The following CERT1 variants were observed in gnomAD, a reference collection of about 807,000 sequenced individuals.
CERT1 encodes the protein ceramide transfer protein.
Under a neutral mutation model 87.9 loss-of-function variants are expected in CERT1, and 31 were observed. That is an observed-to-expected ratio of 0.35 (90% CI 0.27 to 0.48). The LOEUF (loss-of-function observed/expected upper bound fraction) is 0.48. Among genes scored for constraint, CERT1 ranks in the 20% least tolerant of loss-of-function variants. CERT1 has a pLI of 0.99. For missense variants in CERT1, 487 were observed against 758.0 expected, an observed-to-expected ratio of 0.64 and a Z score of 4.20; for synonymous variants, 289 against 250.9, an observed-to-expected ratio of 1.15 and a Z score of -1.44.
chr5:75,425,226 A>G, intron 5 of CERT1, 135 bp downstream of exon 5: 2 of 736,786 alleles, frequency 2.7e-6, no homozygotes, highest in Non-Finnish European at 2.2e-6. Flanking sequence ...GGACACTGAA[A>G]TCTGTTTCAC....
chr5:75,387,478 A>T (rs1471153520), intron 12 of CERT1, among the ~76,000 whole-genome samples: 1 of 151,962 alleles, frequency 6.6e-6, no homozygotes, highest in Non-Finnish European at 1.5e-5. Context: ...GCAGTGGCTC[A>T]CACCTGTTAT....
At chr5:75,382,661 A>G (rs1353289673) in intron 14 of CERT1, among the ~76,000 whole-genome samples, 1 of 151,646 alleles carries the variant, frequency 6.6e-6, no homozygotes, top group Non-Finnish European at 1.5e-5. Flanking sequence ...TTTAAATGAG[A>G]AAAAAAACCT....
intron 3 of CERT1, among the ~76,000 whole-genome samples, chr5:75,448,758 TACC>T (rs1165887225): frequency 1.3e-5 from 2 of 152,214 alleles, no homozygotes; most frequent in Non-Finnish European, 2.9e-5. Flanking sequence ...AAAATTTAAA[TACC>T]ACATTAGGGC....
At chr5:75,375,586 T>C (rs1190044495), downstream of CERT1, 1 of 58,154 alleles carries the variant, frequency 1.7e-5, no homozygotes, top group South Asian at 3.8e-4. Flanking sequence ...TGTCTCAAAA[T>C]AAATAAATAA....
At chr5:75,427,369 T>C (rs547917491) in intron 3 of CERT1, among the ~76,000 whole-genome samples, 2 of 152,034 alleles carry the variant, frequency 1.3e-5, no homozygotes, top group African/African-American at 4.8e-5. Flanking sequence ...GAGGCCAAGG[T>C]GGGTGGATCA....
intron 12 of CERT1, among the ~76,000 whole-genome samples, chr5:75,387,517 G>A (rs1445909564): frequency 6.6e-6 from 1 of 151,716 alleles, no homozygotes; most frequent in Non-Finnish European, 1.5e-5. Context: ...CGAGGCGGGC[G>A]GATCACCTGA....
At chr5:75,408,479 A>G (rs978538412) in intron 8 of CERT1, among the ~76,000 whole-genome samples, 10 of 152,150 alleles carry the variant, frequency 6.6e-5, no homozygotes, top group Non-Finnish European at 1.3e-4. Context: ...TTGGGCCGTG[A>G]GAAATAGCAG....
intron 3 of CERT1, among the ~76,000 whole-genome samples, chr5:75,433,504 T>C (rs1763958419): frequency 6.6e-6 from 1 of 152,168 alleles, no homozygotes; most frequent in East Asian, 1.9e-4. Context: ...TTGGATGTTA[T>C]TGGTGTATAG....
chr5:75,463,358 T>A (rs4704221), intron 2 of CERT1, among the ~76,000 whole-genome samples: 82,441 of 151,938 alleles, frequency 0.54, 25,547 homozygotes, highest in African/African-American at 0.86. Flanking sequence ...GTTTTATCTA[T>A]GATTTCAACC....
In CERT1 at chr5:75,496,428, T is replaced by A. The variant is rs138479980; in HGVS notation, c.231+9554A>T. Among the ~76,000 whole-genome samples the A allele has an allele frequency of 1.1e-3, 164 of 152,278 alleles. 1 individual carries two copies. In the East Asian group the frequency reaches 0.027, roughly 25 times the overall value. ...AACAGTTTCACAGTTTCTTATAAAG[T>A]TAAACATATACTTACCTTACAACCT... On this transcript the variant is annotated intron_variant, in intron 2 of 16. Transcript: ENST00000643780.
chr5:75,428,074 A>C (rs1580755875), intron 3 of CERT1, among the ~76,000 whole-genome samples: 2 of 152,186 alleles, frequency 1.3e-5, no homozygotes, highest in Non-Finnish European at 2.9e-5. Flanking sequence ...AAAATCTATT[A>C]CATTTCTATA....
chr5:75,401,843 T>C (rs1324591256), intron 9 of CERT1: 1 of 152,224 alleles, frequency 6.6e-6, no homozygotes, highest in African/African-American at 2.4e-5. Context: ...AACTTTTCTA[T>C]GCAAATTCAT....
chr5:75,413,264 C>T (rs746481791), intron 7 of CERT1, among the ~76,000 whole-genome samples: 21 of 152,238 alleles, frequency 1.4e-4, no homozygotes, highest in Non-Finnish European at 2.6e-4. Flanking sequence ...ACGGAAATGT[C>T]GTTATGCAGT....
Position 75,398,693 on chromosome 5 carries a change from C to T in CERT1, c.1188+617G>A, listed in dbSNP as rs74660807. On this transcript the variant is annotated intron_variant, in intron 11 of 16. Transcript: ENST00000643780. The stretch of plus-strand genomic sequence containing the variant: ...TTTTGAGGGTACAGACTTTAGAGAC[C>T]GCAAGCATCCAGCTTCCTGTCTTAA... 3.1e-3 allele frequency among the ~76,000 whole-genome samples: 475 copies of T among 152,214 alleles called. 19 individuals carry two copies. The East Asian group carries it at 0.079, about 25-fold the overall frequency.
intron 2 of CERT1, 104 bp from the exon 3 acceptor site, chr5:75,459,285 G>T: frequency 1.6e-6 from 1 of 643,142 alleles, no homozygotes; most frequent in Non-Finnish European, 2.8e-6. Context: ...GCTGGTGGGA[G>T]ACTTGTTACT....
chr5:75,381,130 C>A lies in CERT1; in HGVS notation c.1689G>T (p.Glu563Asp). 1 of 1,614,046 alleles carries A rather than the reference C, an allele frequency of 6.2e-7. No individual in the cohort carries two copies. Among genetic ancestry groups the A allele is most frequent in the Non-Finnish European group, 8.5e-7 (1 of 1,179,982 alleles). ...MICQTLVSPP[E>D]GNQEISRDNI... ...TGTCCCTGCTAATTTCCTGGTTTCCCTCTGGTGGGCTTACCAAGGTTTGAC... is the reference window on the plus strand; with the variant it reads ...TGTCCCTGCTAATTTCCTGGTTTCCATCTGGTGGGCTTACCAAGGTTTGAC... The change falls in exon 16 of 17, where the codon GAG becomes GAT. Residue 563 changes from glutamate (E) to aspartate (D), a missense_variant. Coordinates refer to ENST00000643780, the MANE Select transcript of CERT1 (RefSeq NM_001379029.1).
chr5:75,385,846 G>A, intron 13 of CERT1, 56 bp downstream of exon 13: 1 of 1,264,582 alleles, frequency 7.9e-7, no homozygotes, highest in Non-Finnish European at 1.0e-6. Context: ...AACTAGGTTG[G>A]ATTTGATATT....
At chr5:75,456,233 AT>A (rs1226620896) in intron 3 of CERT1, among the ~76,000 whole-genome samples, 1 of 152,206 alleles carries the variant, frequency 6.6e-6, no homozygotes, top group East Asian at 1.9e-4. Context: ...TAGAATTCAT[AT>A]TCTAAATATG....
chr5:75,430,436 A>T (rs967341205), intron 3 of CERT1, among the ~76,000 whole-genome samples: 1 of 152,184 alleles, frequency 6.6e-6, no homozygotes, highest in African/African-American at 2.4e-5. Flanking sequence ...AAAAGCATGT[A>T]CTTCATGGTA....
Sources: gnomAD v4.1 joint callset for allele counts (sites outside exome capture counted in the v4.1 genomes callset) on GRCh38, gnomAD v4.1.1 for gene constraint, MANE v1.5 for transcripts, NCBI Gene and HGNC (gene_info 2026-07-23, HGNC 2026-07-21) for gene names.